Variants in LAMC3 observed in about 807,000 individuals in gnomAD.
LAMC3 encodes laminin subunit gamma-3.
In LAMC3, 128 loss-of-function variants were observed where a neutral mutation model predicts 173.8. The observed-to-expected ratio is 0.74, with a 90% CI of 0.64 to 0.85. LAMC3 has a LOEUF of 0.85. LAMC3 is among the 40% of genes least tolerant of loss of function. The pLI, the probability that LAMC3 is intolerant of heterozygous loss-of-function variation, is 0.00. For missense variants in LAMC3, 2,022 were observed against 2,156.0 expected, an observed-to-expected ratio of 0.94 and a Z score of 1.23; for synonymous variants, 897 against 909.1, an observed-to-expected ratio of 0.99 and a Z score of 0.24.
Position 131,009,467 on chromosome 9 carries a change from C to T in LAMC3, c.253C>T (p.His85Tyr). ...QRCDAADPQR[H>Y]HNASYLTDFH... ...CTGCGACGCCGCCGACCCCCAGCGCCACCACAACGCCTCCTACCTCACCGA... is the reference window on the plus strand; with the variant it reads ...CTGCGACGCCGCCGACCCCCAGCGCTACCACAACGCCTCCTACCTCACCGA... The change falls in exon 1 of 28, where the codon CAC (histidine) becomes TAC (tyrosine). Residue 85 changes from histidine (H) to tyrosine (Y), a missense_variant. Transcript: ENST00000361069. This position sits in a 1 kb window ranked among gnomAD's most constrained non-coding sequence, Gnocchi z 4.3. The T allele has an allele frequency of 6.5e-7, 1 of 1,548,794 alleles. No homozygotes were observed. The highest frequency in any genetic ancestry group is 2.4e-5 in the East Asian group (1 of 40,838).
intron 12 of LAMC3, 69 bp downstream of exon 12, chr9:131,057,216 T>C: frequency 7.4e-7 from 1 of 1,355,740 alleles, no homozygotes; most frequent in Non-Finnish European, 1.0e-6. Flanking sequence ...AGTACTGACC[T>C]GAACAGGGCC....
At position 131,039,048 on chromosome 9, in the gene LAMC3, G is replaced by A. The variant is rs112850747; in HGVS notation, c.1161G>A (p.Ser387=). ...CATGCCAGCCCTGTGACTGCCAGTC[G>A]GCAGGTGAGTGGACTCCACATCCCC... ...RMPCQPCDCQ[S]AGSLHLQCDD... is the part of the protein sequence containing the mutation. Residue 387 remains serine, a synonymous_variant, in exon 5 of 28, where the codon TCG becomes TCA. Coordinates refer to ENST00000361069, the MANE Select transcript of LAMC3 (RefSeq NM_006059.4). 28 of 1,613,126 alleles carry A rather than the reference G, an allele frequency of 1.7e-5. No individual in the cohort carries two copies. The East Asian group carries it at 3.6e-4, about 21-fold the overall frequency.
chr9:131,062,935 G>A (rs1405434713), intron 13 of LAMC3, among the ~76,000 whole-genome samples: 4 of 151,470 alleles, frequency 2.6e-5, no homozygotes, highest in Admixed American at 1.3e-4. Context: ...CCTGATAACA[G>A]CTGTTCTCCT....
At position 131,087,708 on chromosome 9, in the gene LAMC3, C is replaced by T. The variant is rs759659704; in HGVS notation, c.4378-10C>T. 2.5e-6 allele frequency: 4 copies of T among 1,613,954 alleles called. No individual in the cohort carries two copies. Among genetic ancestry groups the T allele is most frequent in the South Asian group, 1.1e-5 (1 of 91,076 alleles). On this transcript the variant is annotated splice_polypyrimidine_tract_variant and intron_variant, in intron 26 of 27. Transcript: ENST00000361069. ...CCATTCAAGCTGTTTCTTCCTCCTC[C>T]CCCTGAAAGGTGGGTGCTGGGCTGA...
intron 8 of LAMC3, among the ~76,000 whole-genome samples, chr9:131,048,005 C>T (rs1225583333): frequency 6.7e-6 from 1 of 149,518 alleles, no homozygotes; most frequent in African/African-American, 2.5e-5. Context: ...CTCGGCCTCC[C>T]AGAGCGCTAG....
intron 6 of LAMC3, among the ~76,000 whole-genome samples, chr9:131,040,535 G>C (rs1049316900): frequency 6.6e-6 from 1 of 152,170 alleles, no homozygotes; most frequent in African/African-American, 2.4e-5. Context: ...GTATATTTGA[G>C]AGGCAGCAGA....
In LAMC3 at chr9:131,026,288, A is replaced by G. The variant is rs1833713910; in HGVS notation, c.377A>G (p.Lys126Arg). Residue 126 changes from lysine (K) to arginine (R), a missense_variant, in exon 2 of 28, where the codon AAG becomes AGG. By Grantham distance (26) the Lys-to-Arg change is conservative (BLOSUM62 2). Coordinates refer to ENST00000361069, the MANE Select transcript of LAMC3 (RefSeq NM_006059.4). The surrounding 1 kb of genome is among the most constrained non-coding windows in gnomAD (Gnocchi z 4.8). ...GGCCCCGTTTTCCTGGCTGCAGGGA[A>G]GGCTTATGAGATCACGTATGTGAGG... ...TSVNITLRLGKAYEITYVRLK... is the reference protein window; with the variant it reads ...TSVNITLRLGRAYEITYVRLK... 6.2e-7 allele frequency: 1 copy of G among 1,614,034 alleles called. No individual in the cohort carries two copies. Among genetic ancestry groups the G allele is most frequent in the Non-Finnish European group, 8.5e-7 (1 of 1,179,970 alleles).
rs201513291 is a variant in LAMC3, at chr9:131,087,514, C to T, written c.4269C>T (p.His1423=). The T allele has an allele frequency of 6.2e-7, 1 of 1,613,832 alleles. No homozygotes were observed. Among genetic ancestry groups the T allele is most frequent in the East Asian group, 2.2e-5 (1 of 44,888 alleles). ...KALLRERKQA[H]RRASRLTSQT... is the part of the protein sequence containing the mutation. ...TGCTGAGGGAGCGGAAACAGGCGCA[C>T]CGCCGTGCCAGCAGGCTCACCAGCC... Residue 1423 remains histidine (H), a synonymous_variant, in exon 26 of 28, where the codon CAC becomes CAT. Transcript: ENST00000361069.
At chr9:131,043,673 A>G (rs1011431219) in intron 7 of LAMC3, among the ~76,000 whole-genome samples, 2 of 152,234 alleles carry the variant, frequency 1.3e-5, no homozygotes, top group Non-Finnish European at 2.9e-5. Context: ...GAAGAGACAA[A>G]CCTTCCTTGC....
At position 131,069,814 on chromosome 9, in the gene LAMC3, GC is replaced by G; in HGVS notation, c.3034del (p.Gln1012AsnfsTer9). ...TCACGGCAGACGGCACACACTGCCA[GC>G]AATGTCCGTCCTGCTACGCCCTGGT... The part of the protein sequence containing the change: ...FLTADGTHCQ[Q>X]CPSCYALVKE... On this transcript the variant is annotated frameshift_variant, in exon 17 of 28. Transcript: ENST00000361069. LOFTEE classifies it high-confidence loss of function. The G allele has an allele frequency of 6.3e-7, 1 of 1,594,696 alleles. No individual in the cohort carries two copies. The highest frequency in any genetic ancestry group is 8.5e-7 in the Non-Finnish European group (1 of 1,170,432).
chr9:131,061,982 C>T (rs538498175), intron 13 of LAMC3, among the ~76,000 whole-genome samples: 26 of 152,216 alleles, frequency 1.7e-4, no homozygotes, highest in Admixed American at 1.1e-3. Flanking sequence ...GCCCGGGAGG[C>T]GGAGGCTGCA....
chr9:131,082,009 G>A (rs1163082545), intron 23 of LAMC3, 50 bp from the exon 24 acceptor site: 2 of 1,452,196 alleles, frequency 1.4e-6, no homozygotes, highest in Non-Finnish European at 1.9e-6. Flanking sequence ...CTGCCCCTGG[G>A]CCCTGCTCCT....
intron 4 of LAMC3, among the ~76,000 whole-genome samples, chr9:131,038,208 G>T (rs1459569140): frequency 6.6e-6 from 1 of 152,184 alleles, no homozygotes; most frequent in South Asian, 2.1e-4. Flanking sequence ...CAGCACAGCT[G>T]CAGGGGCCCC....
At chr9:131,044,152 T>C (rs527464756) in intron 7 of LAMC3, among the ~76,000 whole-genome samples, 6 of 149,736 alleles carry the variant, frequency 4.0e-5, no homozygotes, top group Non-Finnish European at 8.9e-5. Flanking sequence ...AGAGATGGGG[T>C]TTCACCATGT....
chr9:131,090,008 G>A (rs1830396447), intron 27 of LAMC3, among the ~76,000 whole-genome samples: 1 of 152,066 alleles, frequency 6.6e-6, no homozygotes, highest in African/African-American at 2.4e-5. Flanking sequence ...TGTTAACCAA[G>A]CTGGTGTTGA....
intron 12 of LAMC3, among the ~76,000 whole-genome samples, chr9:131,058,876 A>G (rs185062788): frequency 4.6e-4 from 69 of 148,966 alleles, no homozygotes; most frequent in Non-Finnish European, 7.3e-4. Context: ...CCTGGGTGAC[A>G]AGAGCAAGAC....
intron 1 of LAMC3, among the ~76,000 whole-genome samples, chr9:131,023,247 G>A (rs1475272335): frequency 6.6e-6 from 1 of 152,180 alleles, no homozygotes; most frequent in East Asian, 1.9e-4. Flanking sequence ...CCATATGTAC[G>A]TTTTGCGTGG....
intron 1 of LAMC3, among the ~76,000 whole-genome samples, chr9:131,014,055 A>G (rs1337547689): frequency 9.2e-5 from 14 of 152,362 alleles, no homozygotes. Flanking sequence ...ATCCACCCAC[A>G]GAACTGCCCT....
chr9:131,064,303 T>C (rs935268070), intron 13 of LAMC3, among the ~76,000 whole-genome samples: 6 of 152,148 alleles, frequency 3.9e-5, no homozygotes, highest in Non-Finnish European at 7.3e-5. Flanking sequence ...TTTTTAATTA[T>C]AAAATTAGTA....
Sources: gnomAD v4.1 joint callset for allele counts (sites outside exome capture counted in the v4.1 genomes callset) on GRCh38, gnomAD v4.1.1 for gene constraint, Gnocchi (gnomAD v3.1) non-coding constraint, MANE v1.5 for transcripts, NCBI Gene and HGNC (gene_info 2026-07-23, HGNC 2026-07-21) for gene names.